Variants in RGS20 observed in about 807,000 individuals in gnomAD.
RGS20 encodes the protein gz-selective GTPase-activating protein.
RGS20 carries 30 observed loss-of-function variants against 33.6 expected under a neutral mutation model. That is an observed-to-expected ratio of 0.89 (90% CI 0.67 to 1.21). The LOEUF is 1.21. RGS20 is among the 50% of genes most tolerant of loss of function. The probability of loss-of-function intolerance (pLI) is 0.00; values close to 1 mark genes in which losing one functional copy is unlikely to be tolerated. For missense variants in RGS20, 472 were observed against 502.4 expected, an observed-to-expected ratio of 0.94 and a Z score of 0.58; for synonymous variants, 208 against 197.9, an observed-to-expected ratio of 1.05 and a Z score of -0.43.
Position 53,904,311 on chromosome 8 carries a change from T to C in RGS20, c.510+24709T>C, listed in dbSNP as rs147195977. ...CACACTTGGCTAATTTTTATATTTTTAGTAGAGATGGGATTTCGCCATGTT... is the reference window on the plus strand; with the variant it reads ...CACACTTGGCTAATTTTTATATTTTCAGTAGAGATGGGATTTCGCCATGTT... On this transcript the variant is annotated intron_variant, in intron 2 of 5. Coordinates refer to ENST00000297313, the MANE Select transcript of RGS20 (RefSeq NM_170587.4). Among the ~76,000 whole-genome samples, 481 of 152,162 alleles carry C rather than the reference T, an allele frequency of 3.2e-3. 2 individuals carry two copies. Among genetic ancestry groups the C allele is most frequent in the African/African-American group, 0.011 (455 of 41,502 alleles).
At chr8:53,916,882 C>A (rs1217523649) in intron 2 of RGS20, among the ~76,000 whole-genome samples, 1 of 152,100 alleles carries the variant, frequency 6.6e-6, no homozygotes, top group Admixed American at 6.6e-5. Context: ...GTCTTCTCAC[C>A]GCACCCTCAC....
intron 2 of RGS20, among the ~76,000 whole-genome samples, chr8:53,889,412 CTTTTTTTTTTTTTTTTT>C (rs34316630): frequency 6.1e-3 from 253 of 41,788 alleles, no homozygotes; most frequent in Non-Finnish European, 0.011. Context: ...CTCTCTCTCT[CTTTTTTTTTTTTTTTTT>C]TTTTTTTTTT....
In RGS20 at chr8:53,946,714, G is replaced by A. The variant is rs770358295; in HGVS notation, c.709G>A (p.Glu237Lys). ...TCAGAGGCCCACAATAGCTTCCCAC[G>A]AACTCAGAGCAGATCTTCCAACCTG... is the stretch of plus-strand genomic sequence containing the variant. Residue 237 changes from glutamate (E) to lysine (K), a missense_variant, in exon 4 of 6, where the codon GAA (glutamate) becomes AAA (lysine). Glu to Lys is a moderately conservative substitution (Grantham distance 56, BLOSUM62 1). Coordinates refer to ENST00000297313, the MANE Select transcript of RGS20 (RefSeq NM_170587.4). The A allele has an allele frequency of 1.9e-6, 3 of 1,612,984 alleles. No individual in the cohort carries two copies. Among genetic ancestry groups the A allele is most frequent in the African/African-American group, 1.3e-5 (1 of 74,828 alleles).
intron 2 of RGS20, among the ~76,000 whole-genome samples, chr8:53,917,999 G>C (rs1449433923): frequency 6.6e-6 from 1 of 151,966 alleles, no homozygotes; most frequent in African/African-American, 2.4e-5. Flanking sequence ...TGGACTTCGG[G>C]GTCTTGATTC....
intron 2 of RGS20, among the ~76,000 whole-genome samples, chr8:53,887,940 C>T (rs1369167142): frequency 6.6e-6 from 1 of 151,520 alleles, no homozygotes; most frequent in Admixed American, 6.6e-5. Context: ...GATCTTGCCT[C>T]TGCCCTCCAG....
chr8:53,863,672 T>C (rs1057497474), intron 1 of RGS20, among the ~76,000 whole-genome samples: 1 of 151,976 alleles, frequency 6.6e-6, no homozygotes, highest in African/African-American at 2.4e-5. Flanking sequence ...ATGCCAAGAA[T>C]TGGTTTTTGA....
At chr8:53,909,167 C>T (rs1276361151) in intron 2 of RGS20, among the ~76,000 whole-genome samples, 1 of 127,454 alleles carries the variant, frequency 7.8e-6, no homozygotes, top group Non-Finnish European at 1.6e-5. Flanking sequence ...GGTACTGGGT[C>T]CATTTGATTC....
intron 2 of RGS20, among the ~76,000 whole-genome samples, chr8:53,931,968 C>T (rs915495673): frequency 6.6e-6 from 1 of 152,210 alleles, no homozygotes; most frequent in Non-Finnish European, 1.5e-5. Flanking sequence ...CAAAATCTCT[C>T]AGCACTTGCC....
intron 1 of RGS20, among the ~76,000 whole-genome samples, chr8:53,860,995 A>T (rs1321006542): frequency 2.6e-5 from 4 of 152,036 alleles, no homozygotes; most frequent in African/African-American, 9.7e-5. Context: ...AATCAGCCCT[A>T]GCTGTTCTTT....
At chr8:53,909,160 A>G (rs1187997108) in intron 2 of RGS20, among the ~76,000 whole-genome samples, 1 of 129,972 alleles carries the variant, frequency 7.7e-6, no homozygotes, top group Non-Finnish European at 1.6e-5. Context: ...TAGTGGTGGT[A>G]CTGGGTCCAT....
At chr8:53,946,456 A>G in intron 3 of RGS20, 1 of 599,736 alleles carries the variant, frequency 1.7e-6, no homozygotes, top group East Asian at 3.0e-5. Flanking sequence ...TCTCAATAGT[A>G]GAAACCACAA....
At chr8:53,946,542 T>C in intron 3 of RGS20, 123 bp from the exon 3 acceptor site, 2 of 863,502 alleles carry the variant, frequency 2.3e-6, no homozygotes, top group East Asian at 2.5e-5. Flanking sequence ...TCATTTTTTT[T>C]TCCAAGTAGA....
chr8:53,955,628 G>A (rs1164679404), intron 5 of RGS20, among the ~76,000 whole-genome samples: 1 of 152,050 alleles, frequency 6.6e-6, no homozygotes, highest in East Asian at 1.9e-4. Flanking sequence ...TCAGGAGTTC[G>A]AGACCAGCCT....
At chr8:53,926,207 C>T (rs1044810933) in intron 2 of RGS20, among the ~76,000 whole-genome samples, 2 of 152,044 alleles carry the variant, frequency 1.3e-5, no homozygotes, top group African/African-American at 4.8e-5. Context: ...GAGATCCTGT[C>T]TCAAAAAACA....
intron 1 of RGS20, among the ~76,000 whole-genome samples, chr8:53,868,847 G>C (rs1242099777): frequency 6.6e-6 from 1 of 151,992 alleles, no homozygotes; most frequent in African/African-American, 2.4e-5. Context: ...CCACCTCCCA[G>C]GTTCAAGCAA....
chr8:53,953,918 G>A (rs138323251), intron 4 of RGS20, among the ~76,000 whole-genome samples, 158 bp from the exon 4 acceptor site: 325 of 152,250 alleles, frequency 2.1e-3, no homozygotes, highest in African/African-American at 7.3e-3. Flanking sequence ...TTTCCCAAAG[G>A]TTTGAGGAAA....
intron 2 of RGS20, among the ~76,000 whole-genome samples, chr8:53,912,446 G>A (rs886438094): frequency 4.1e-5 from 6 of 147,874 alleles, no homozygotes; most frequent in Non-Finnish European, 7.4e-5. Flanking sequence ...ATGATTTCCT[G>A]CCACATAAAT....
At chr8:53,927,352 C>T (rs192141840) in intron 2 of RGS20, among the ~76,000 whole-genome samples, 60 of 151,954 alleles carry the variant, frequency 3.9e-4, no homozygotes, top group Admixed American at 2.0e-3. Context: ...TACAGGCGCG[C>T]GCCACCATAC....
chr8:53,926,172 T>C (rs182189947), intron 2 of RGS20, among the ~76,000 whole-genome samples: 4 of 152,252 alleles, frequency 2.6e-5, no homozygotes, highest in Non-Finnish European at 4.4e-5. Context: ...TTCACACCAC[T>C]GTACTGCAGC....
Sources: allele counts gnomAD v4.1 joint callset (sites outside exome capture counted in the v4.1 genomes callset), GRCh38; gene constraint gnomAD v4.1.1; transcripts MANE v1.5; gene names NCBI Gene and HGNC (gene_info 2026-07-23, HGNC 2026-07-21).